Variants in SEMA3A observed in about 807,000 individuals in gnomAD.
The protein encoded by SEMA3A is semaphorin 3A.
A neutral mutation model predicts 97.9 loss-of-function variants in SEMA3A; 29 were observed. The ratio of observed to expected loss-of-function variants is 0.30; its 90% CI spans 0.22 to 0.40. The LOEUF is 0.40. SEMA3A is among the 10% of genes least tolerant of loss of function. The pLI, the probability that SEMA3A is intolerant of heterozygous loss-of-function variation, is 1.00. For missense variants in SEMA3A, 763 were observed against 951.3 expected (o/e 0.80, Z 2.60); for synonymous variants, 321 against 323.7 (o/e 0.99, Z 0.09).
intron 3 of SEMA3A, among the ~76,000 whole-genome samples, chr7:84,241,085 T>C (rs576402400): frequency 6.6e-6 from 1 of 152,210 alleles, no homozygotes; most frequent in African/African-American, 2.4e-5. Context: ...GGTGCCTTTA[T>C]AGTAGAATGA....
intron 4 of SEMA3A, among the ~76,000 whole-genome samples, chr7:84,102,588 C>CTTTTTTTTT (rs3074757): frequency 9.3e-5 from 9 of 96,840 alleles, no homozygotes; most frequent in Non-Finnish European, 1.5e-4. Flanking sequence ...TGCATTATCG[C>CTTTTTTTTT]TTTTTTTTTT....
At chr7:84,190,027 C>T (rs920376577) in intron 1 of SEMA3A, among the ~76,000 whole-genome samples, 3 of 151,654 alleles carry the variant, frequency 2.0e-5, no homozygotes, top group African/African-American at 7.2e-5. Flanking sequence ...GGAAAATTAT[C>T]TATTCAGTAT....
At chr7:84,294,413 T>C (rs955900060) in intron 3 of SEMA3A, among the ~76,000 whole-genome samples, 5 of 151,990 alleles carry the variant, frequency 3.3e-5, no homozygotes, top group Middle Eastern at 3.2e-3. Flanking sequence ...TTTAGCCTGG[T>C]TTGCAATAAT....
intron 2 of SEMA3A, among the ~76,000 whole-genome samples, chr7:84,359,751 G>C (rs1289771928): frequency 6.6e-6 from 1 of 152,200 alleles, no homozygotes; most frequent in Non-Finnish European, 1.5e-5. Context: ...GAATTCATCT[G>C]TGAATCCATC....
At chr7:84,144,393 T>A (rs140990821) in intron 1 of SEMA3A, among the ~76,000 whole-genome samples, 1 of 151,988 alleles carries the variant, frequency 6.6e-6, no homozygotes, top group African/African-American at 2.4e-5. Flanking sequence ...AGTTACAAAC[T>A]AAGTAATAAT....
Position 84,132,662 on chromosome 7 carries a change from G to GTTTTTTTTTT in SEMA3A, c.270+2122_270+2131dup, listed in dbSNP as rs55830654. ...TCTAATTTTTCTTCATCGACTTGGT[G>GTTTTTTTTTT]TTTTTTTTTTTTTTTTTTTTTTTTT... On this transcript the variant is annotated intron_variant, in intron 2 of 16. Transcript: ENST00000265362. Among the ~76,000 whole-genome samples the GTTTTTTTTTT allele has an allele frequency of 1.2e-4, 10 of 86,630 alleles. 1 individual carries two copies. The highest frequency in any genetic ancestry group is 2.0e-4 in the Non-Finnish European group (9 of 44,996). 56.8% of individuals were successfully genotyped at this position (86,630 alleles called of 152,430 possible).
chr7:84,392,471 G>C (rs935763745), intron 1 of SEMA3A, among the ~76,000 whole-genome samples: 1 of 152,138 alleles, frequency 6.6e-6, no homozygotes, highest in African/African-American at 2.4e-5. Flanking sequence ...TTCACCTAGT[G>C]ATGGTCATCT....
intron 15 of SEMA3A, among the ~76,000 whole-genome samples, chr7:83,973,988 T>C (rs1162101524): frequency 1.3e-5 from 2 of 151,712 alleles, no homozygotes; most frequent in East Asian, 3.9e-4. Context: ...GGTTTATAGG[T>C]AAATTGCCTT....
At chr7:84,384,555 A>G (rs1034992836) in intron 1 of SEMA3A, among the ~76,000 whole-genome samples, 2 of 152,170 alleles carry the variant, frequency 1.3e-5, no homozygotes, top group African/African-American at 4.8e-5. Context: ...TCTCATTCCT[A>G]CAAGTGCACT....
Position 84,265,274 on chromosome 7 carries a change from C to T in SEMA3A, c.-83+41933G>A, listed in dbSNP as rs540823619. Among the ~76,000 whole-genome samples the T allele has an allele frequency of 9.9e-5, 15 of 151,882 alleles. No individual in the cohort carries two copies. In the South Asian group the frequency reaches 3.1e-3, roughly 32 times the overall value. On this transcript the variant is annotated intron_variant, in intron 3 of 3. Coordinates refer to the SEMA3A transcript ENST00000424555. ...TTTATCCCCATGAATATAAAGAGTG[C>T]AGTGGCATGATCTCTGCACCCAATT...
chr7:84,216,883 CG>C (rs1333086543), intron 3 of SEMA3A, among the ~76,000 whole-genome samples: 1 of 151,940 alleles, frequency 6.6e-6, no homozygotes, highest in African/African-American at 2.4e-5. Flanking sequence ...CTTAGCATTG[CG>C]CCTTGCAAGC....
At chr7:84,138,772 TAGAGA>T (rs919371777) in intron 1 of SEMA3A, among the ~76,000 whole-genome samples, 7 of 152,146 alleles carry the variant, frequency 4.6e-5, no homozygotes, top group African/African-American at 1.7e-4. Context: ...CTTTATAACT[TAGAGA>T]AGAGTCTTAA....
chr7:84,240,642 A>T (rs1799337239), intron 3 of SEMA3A, among the ~76,000 whole-genome samples: 1 of 152,184 alleles, frequency 6.6e-6, no homozygotes, highest in African/African-American at 2.4e-5. Context: ...CTAATGCTGA[A>T]CATGTGCAGA....
intron 2 of SEMA3A, among the ~76,000 whole-genome samples, chr7:84,362,037 A>G (rs1165499818): frequency 2.0e-5 from 3 of 151,954 alleles, no homozygotes; most frequent in African/African-American, 7.2e-5. Flanking sequence ...ATAGTTTTGT[A>G]TGGTATATTT....
At chr7:84,282,789 G>C (rs57499577) in intron 3 of SEMA3A, among the ~76,000 whole-genome samples, 2,664 of 152,120 alleles carry the variant, frequency 0.018, 79 homozygotes, top group African/African-American at 0.061. Flanking sequence ...CAAGGTGGGC[G>C]GATGACTTGA....
At chr7:84,137,010 G>GGAAA (rs1796151544) in intron 1 of SEMA3A, among the ~76,000 whole-genome samples, 1 of 102,646 alleles carries the variant, frequency 9.7e-6, no homozygotes, top group Non-Finnish European at 2.2e-5. Flanking sequence ...GGAAGGAAAA[G>GGAAA]AGTTTGTATT....
intron 3 of SEMA3A, among the ~76,000 whole-genome samples, chr7:84,266,073 C>A (rs1799992911): frequency 6.6e-6 from 1 of 151,976 alleles, no homozygotes; most frequent in African/African-American, 2.4e-5. Context: ...AATCCCAACA[C>A]TTTGGGAGGC....
upstream of SEMA3A, among the ~76,000 whole-genome samples, chr7:84,195,941 T>A (rs2116283583): frequency 6.6e-6 from 1 of 152,330 alleles, no homozygotes; most frequent in East Asian, 1.9e-4. Context: ...TGAACACCAT[T>A]AGTTCCTTCT....
chr7:84,329,985 A>T (rs1801874640), intron 2 of SEMA3A, among the ~76,000 whole-genome samples: 1 of 152,030 alleles, frequency 6.6e-6, no homozygotes, highest in Non-Finnish European at 1.5e-5. Flanking sequence ...ATTCAATAAT[A>T]GTGATTTTGG....
Sources: allele counts gnomAD v4.1 joint callset (sites outside exome capture counted in the v4.1 genomes callset), GRCh38; gene constraint gnomAD v4.1.1; transcripts MANE v1.5; gene names NCBI Gene and HGNC (gene_info 2026-07-23, HGNC 2026-07-21).